The following COL5A2 variants were observed in gnomAD, a reference collection of about 807,000 sequenced individuals.
COL5A2 encodes collagen alpha-2(V) chain.
COL5A2 carries 23 observed loss-of-function variants against 208.2 expected under a neutral mutation model. The observed-to-expected ratio is 0.11, with a 90% CI of 0.08 to 0.16. The LOEUF (loss-of-function observed/expected upper bound fraction) is 0.16, where lower values mean the gene tolerates loss of function less well. Ranked by LOEUF, COL5A2 falls within the 10% of genes least tolerant of loss-of-function variation. The probability of loss-of-function intolerance (pLI) is 1.00; values close to 1 mark genes in which losing one functional copy is unlikely to be tolerated. For synonymous variants in COL5A2, 625 were observed against 628.5 expected, an observed-to-expected ratio of 0.99 and a Z score of 0.08; for missense variants, 1,590 against 1,956.4, an observed-to-expected ratio of 0.81 and a Z score of 3.53.
chr2:189,292,524 C>G, the COL5A2 span, among the ~76,000 whole-genome samples: 1 of 152,152 alleles, frequency 6.6e-6, no homozygotes, highest in Admixed American at 6.5e-5. Context: ...CACTGGCCAT[C>G]AGAGAAATGC....
the COL5A2 span, among the ~76,000 whole-genome samples, chr2:189,343,729 A>G: frequency 6.6e-6 from 1 of 152,122 alleles, no homozygotes; most frequent in Admixed American, 6.6e-5. Flanking sequence ...ATCCATGGGT[A>G]TTTTTGCTAA....
chr2:189,308,702 A>G, the COL5A2 span, among the ~76,000 whole-genome samples: 1 of 152,160 alleles, frequency 6.6e-6, no homozygotes, highest in Non-Finnish European at 1.5e-5. Flanking sequence ...TCTTTAGATA[A>G]TAACTCTTTC....
chr2:189,221,875 T>A (rs1030138639), intron 1 of COL5A2, among the ~76,000 whole-genome samples: 6 of 152,182 alleles, frequency 3.9e-5, no homozygotes, highest in Non-Finnish European at 8.8e-5. Flanking sequence ...GGAACCCCAC[T>A]ATAACTGCAT....
the COL5A2 span, among the ~76,000 whole-genome samples, chr2:189,387,526 T>A: frequency 3.3e-5 from 5 of 152,178 alleles, no homozygotes; most frequent in Non-Finnish European, 7.3e-5. Context: ...GTTCTACTTA[T>A]TCATGATGTG....
Position 189,052,732 on chromosome 2 carries a change from G to A in COL5A2, c.2715+17C>T, listed in dbSNP as rs376823922. The A allele has an allele frequency of 1.9e-6, 3 of 1,612,956 alleles. No homozygotes were observed. Among genetic ancestry groups the A allele is most frequent in the African/African-American group, 1.3e-5 (1 of 74,914 alleles). On this transcript the variant is annotated intron_variant, in intron 40 of 53. Coordinates refer to ENST00000374866, the MANE Select transcript of COL5A2 (RefSeq NM_000393.5). Reference sequence around the variant, plus strand: ...GAATTAGCTGTGCATACTTTGCAGAGCATCAAATAAACTTACAGGCGGACC... The same window carrying A: ...GAATTAGCTGTGCATACTTTGCAGAACATCAAATAAACTTACAGGCGGACC...
chr2:189,313,599 C>T, the COL5A2 span, among the ~76,000 whole-genome samples: 3 of 152,100 alleles, frequency 2.0e-5, no homozygotes, highest in African/African-American at 7.2e-5. Flanking sequence ...TCAATACTAA[C>T]CTTAAATGTA....
chr2:189,205,854 C>A (rs919985666), intron 1 of COL5A2, among the ~76,000 whole-genome samples: 1 of 151,990 alleles, frequency 6.6e-6, no homozygotes, highest in African/African-American at 2.4e-5. Context: ...ATTAGGATAT[C>A]ACATTTATTA....
chr2:189,064,702 A>C, intron 24 of COL5A2, 47 bp from the exon 25 acceptor site: 1 of 1,309,386 alleles, frequency 7.6e-7, no homozygotes, highest in Non-Finnish European at 1.1e-6. Context: ...GTATAGAAAA[A>C]CAAAAGCAAG....
intron 1 of COL5A2, among the ~76,000 whole-genome samples, chr2:189,168,386 C>G (rs1291416064): frequency 6.6e-6 from 1 of 152,048 alleles, no homozygotes; most frequent in Non-Finnish European, 1.5e-5. Flanking sequence ...AAACTAGGAA[C>G]TTTGCAGTTA....
At chr2:189,268,569 TTAAAAA>T in the COL5A2 span, among the ~76,000 whole-genome samples, 1 of 152,090 alleles carries the variant, frequency 6.6e-6, no homozygotes, top group African/African-American at 2.4e-5. Flanking sequence ...TAATGAATAG[TTAAAAA>T]TAAATGAAGT....
chr2:189,144,233 G>C (rs1053764039), intron 1 of COL5A2, among the ~76,000 whole-genome samples: 1 of 151,994 alleles, frequency 6.6e-6, no homozygotes, highest in Non-Finnish European at 1.5e-5. Context: ...AAGACAGACA[G>C]ATGAAAGAGA....
the COL5A2 span, among the ~76,000 whole-genome samples, chr2:189,402,304 G>A: frequency 1.3e-5 from 2 of 151,822 alleles, no homozygotes; most frequent in Non-Finnish European, 2.9e-5. Context: ...TGCAACCTCC[G>A]ACTCCCTGGT....
At chr2:189,132,745 A>T (rs536931671) in intron 1 of COL5A2, among the ~76,000 whole-genome samples, 1 of 152,004 alleles carries the variant, frequency 6.6e-6, no homozygotes, top group African/African-American at 2.4e-5. Flanking sequence ...ACATGGTGAA[A>T]CCCCGTCTCT....
intron 1 of COL5A2, among the ~76,000 whole-genome samples, chr2:189,212,111 T>G (rs531076948): frequency 6.0e-4 from 91 of 152,262 alleles, no homozygotes; most frequent in African/African-American, 2.1e-3. Flanking sequence ...GAATAACCAT[T>G]GCAGGCTGAT....
chr2:189,070,789 C>A (rs1686257462), intron 18 of COL5A2, among the ~76,000 whole-genome samples: 1 of 152,024 alleles, frequency 6.6e-6, no homozygotes, highest in Non-Finnish European at 1.5e-5. Flanking sequence ...AGAGTCTGGG[C>A]CAGAGTCTGT....
intron 48 of COL5A2, 77 bp downstream of exon 48, chr2:189,043,074 G>T: frequency 9.5e-7 from 1 of 1,052,992 alleles, no homozygotes; most frequent in African/African-American, 1.6e-5. Context: ...CTATTTTACA[G>T]ACAGATAAAT....
chr2:189,336,554 C>G, the COL5A2 span, among the ~76,000 whole-genome samples: 3 of 152,116 alleles, frequency 2.0e-5, no homozygotes, highest in African/African-American at 7.2e-5. Context: ...AAATGAAAAA[C>G]TGATCCATGC....
chr2:189,066,852 C>A (rs1308121162), intron 21 of COL5A2, 70 bp from the exon 22 acceptor site: 1 of 1,201,562 alleles, frequency 8.3e-7, no homozygotes, highest in Non-Finnish European at 1.2e-6. Flanking sequence ...AAATTAGTTA[C>A]AATAAATAGG....
chr2:189,079,856 C>T (rs1268244940), intron 14 of COL5A2, 122 bp downstream of exon 14: 2 of 848,822 alleles, frequency 2.4e-6, no homozygotes, highest in African/African-American at 3.3e-5. Flanking sequence ...TGTTTATTTA[C>T]CTAACCATTT....
Sources: allele counts gnomAD v4.1 joint callset (sites outside exome capture counted in the v4.1 genomes callset), GRCh38; gene constraint gnomAD v4.1.1; transcripts MANE v1.5; gene names NCBI Gene and HGNC (gene_info 2026-07-23, HGNC 2026-07-21).